The following RMDN2 variants were observed in gnomAD, a reference collection of about 807,000 sequenced individuals.
RMDN2 encodes the protein regulator of microtubule dynamics protein 2.
Under a neutral mutation model 52.8 loss-of-function variants are expected in RMDN2, and 61 were observed. That is an observed-to-expected ratio of 1.16 (90% CI 0.94 to 1.43). The LOEUF is 1.43. Among genes scored for constraint, RMDN2 ranks in the 40% most tolerant of loss-of-function variants. RMDN2 has a pLI of 0.00. For missense variants in RMDN2, 592 were observed against 475.3 expected (o/e 1.25, Z -2.28); for synonymous variants, 180 against 153.1 (o/e 1.18, Z -1.30).
upstream of RMDN2, among the ~76,000 whole-genome samples, chr2:37,922,011 T>C (rs1329314326): frequency 1.3e-5 from 2 of 152,228 alleles, no homozygotes; most frequent in African/African-American, 4.8e-5. Context: ...CCTGGGGGAC[T>C]TCTTCCTCTG....
upstream of RMDN2, among the ~76,000 whole-genome samples, chr2:37,922,106 C>T (rs910282701): frequency 6.6e-6 from 1 of 152,130 alleles, no homozygotes; most frequent in African/African-American, 2.4e-5. Flanking sequence ...AAGTTTTTCC[C>T]CAGCTATTTG....
chr2:38,049,231 C>T (rs192065412), intron 10 of RMDN2, among the ~76,000 whole-genome samples: 25 of 152,198 alleles, frequency 1.6e-4, no homozygotes, highest in Middle Eastern at 3.4e-3. Flanking sequence ...CCTTCCTCCT[C>T]CATGGGGCAG....
At chr2:37,927,619 A>T (rs144877696) in intron 1 of RMDN2, among the ~76,000 whole-genome samples, 1,863 of 152,352 alleles carry the variant, frequency 0.012, 36 homozygotes, top group African/African-American at 0.042. Context: ...AGCAATCAGA[A>T]TAGGAAGATT....
chr2:37,955,048 T>C (rs2124983424), intron 2 of RMDN2, among the ~76,000 whole-genome samples: 2 of 152,294 alleles, frequency 1.3e-5, no homozygotes, highest in Admixed American at 1.3e-4. Context: ...TGATTTTCTA[T>C]CCTGCAATTT....
chr2:37,929,435 CTT>C lies in RMDN2; in HGVS notation c.160_161del (p.Leu54AlafsTer3). The C allele has an allele frequency of 6.4e-7, 1 of 1,551,602 alleles. No homozygotes were observed. The highest frequency in any genetic ancestry group is 1.2e-5 in the South Asian group (1 of 84,060). On this transcript the variant is annotated frameshift_variant, in exon 2 of 11. Coordinates refer to ENST00000354545, the MANE Select transcript of RMDN2 (RefSeq NM_001170791.3). LOFTEE classifies it high-confidence loss of function. The stretch of plus-strand genomic sequence containing the variant: ...CTGGGTAATACATTTAATTCAATAA[CTT>C]TGCAAGATGAAATACATGATGACCA...
intron 8 of RMDN2, among the ~76,000 whole-genome samples, chr2:38,000,109 C>G (rs997588951): frequency 1.3e-5 from 2 of 152,178 alleles, no homozygotes; most frequent in African/African-American, 4.8e-5. Flanking sequence ...TCCTCCACAG[C>G]CTCAAAGCAT....
intron 10 of RMDN2, among the ~76,000 whole-genome samples, chr2:38,054,650 T>C (rs1277144164): frequency 1.3e-5 from 2 of 152,232 alleles, no homozygotes; most frequent in African/African-American, 4.8e-5. Context: ...GGTTCAATTC[T>C]CTGTTTCTTT....
At chr2:37,926,868 C>T (rs548385694) in intron 1 of RMDN2, among the ~76,000 whole-genome samples, 1 of 151,612 alleles carries the variant, frequency 6.6e-6, no homozygotes, top group Non-Finnish European at 1.5e-5. Context: ...CCCAAGTGGT[C>T]GAGGCTACAG....
At chr2:37,950,455 G>A (rs1454392149) in intron 2 of RMDN2, 7 of 1,610,266 alleles carry the variant, frequency 4.3e-6, no homozygotes, top group South Asian at 1.1e-5. Flanking sequence ...TTATTGCCAT[G>A]TTAACTCCAC....
intron 2 of RMDN2, among the ~76,000 whole-genome samples, chr2:37,957,004 C>A (rs953828350): frequency 3.9e-5 from 6 of 152,134 alleles, no homozygotes; most frequent in Non-Finnish European, 8.8e-5. Flanking sequence ...TTTATGGTTG[C>A]ATAGTATTCC....
At position 37,936,654 on chromosome 2, in the gene RMDN2, CT is replaced by C. The variant is rs548848817; in HGVS notation, c.452+6932del. On this transcript the variant is annotated intron_variant, in intron 2 of 10. Transcript: ENST00000354545. ...TTCTCCAATGAACAGTGATGATGAG[CT>C]TTTTTTCTTATATTTGTTGGCCACA... 1.0e-3 allele frequency among the ~76,000 whole-genome samples: 155 copies of C among 152,264 alleles called. 2 individuals carry two copies. In the South Asian group the frequency reaches 0.03, roughly 30 times the overall value.
intron 8 of RMDN2, chr2:37,998,281 C>T (rs989579762): frequency 2.0e-5 from 3 of 152,262 alleles, no homozygotes; most frequent in African/African-American, 7.2e-5. Context: ...AATCCCAACA[C>T]TTTGGAAGGC....
chr2:38,015,512 C>T (rs1006504664), intron 10 of RMDN2, among the ~76,000 whole-genome samples: 3 of 147,354 alleles, frequency 2.0e-5, no homozygotes, highest in Non-Finnish European at 4.4e-5. Context: ...TTGCAGTAGG[C>T]GGAGATTGCG....
chr2:37,932,809 CG>C (rs1666906308), intron 2 of RMDN2, among the ~76,000 whole-genome samples: 1 of 118,706 alleles, frequency 8.4e-6, no homozygotes, highest in African/African-American at 3.2e-5. Flanking sequence ...GCTGGCTGGG[CG>C]GGGGGCTGAC....
At chr2:37,986,006 A>G (rs565659882) in intron 5 of RMDN2, among the ~76,000 whole-genome samples, 2 of 152,200 alleles carry the variant, frequency 1.3e-5, no homozygotes, top group African/African-American at 2.4e-5. Flanking sequence ...TAGGTGTGGC[A>G]TGTAAGGGAA....
At chr2:38,018,313 A>C (rs916459472), downstream of RMDN2, among the ~76,000 whole-genome samples, 1 of 152,244 alleles carries the variant, frequency 6.6e-6, no homozygotes, top group African/African-American at 2.4e-5. Flanking sequence ...GGGTACATTA[A>C]ATATGAAAAT....
chr2:38,032,882 C>T (rs542072873), intron 10 of RMDN2: 4 of 152,204 alleles, frequency 2.6e-5, no homozygotes, highest in Admixed American at 1.3e-4. Flanking sequence ...TTTCAGCAGA[C>T]ATGTTTTTAT....
chr2:38,032,698 G>C (rs1422338640), intron 10 of RMDN2, among the ~76,000 whole-genome samples: 2 of 152,158 alleles, frequency 1.3e-5, no homozygotes, highest in Non-Finnish European at 2.9e-5. Context: ...AATTAGCCAG[G>C]CATGATGGCG....
intron 2 of RMDN2, chr2:37,951,331 G>A: frequency 5.0e-6 from 8 of 1,612,988 alleles, no homozygotes; most frequent in South Asian, 1.1e-5. Context: ...TCACAACCAA[G>A]TATATCTCTT....
Sources: gnomAD v4.1 joint callset for allele counts (sites outside exome capture counted in the v4.1 genomes callset) on GRCh38, gnomAD v4.1.1 for gene constraint, MANE v1.5 for transcripts, NCBI Gene and HGNC (gene_info 2026-07-23, HGNC 2026-07-21) for gene names.